The following CLEC3A variants were observed in gnomAD, a reference collection of about 807,000 sequenced individuals.
The protein encoded by CLEC3A is C-type (calcium dependent, carbohydrate-recognition domain) lectin, superfamily member 1 (cartilage-derived).
CLEC3A carries 28 observed loss-of-function variants against 20.4 expected under a neutral mutation model. That is an observed-to-expected ratio of 1.37 (90% CI 1.02 to 1.88). CLEC3A has a LOEUF of 1.88. Among genes scored for constraint, CLEC3A ranks in the 40% most tolerant of loss-of-function variants. CLEC3A has a pLI of 0.00. For synonymous variants in CLEC3A, 110 were observed against 88.1 expected, an observed-to-expected ratio of 1.25 and a Z score of -1.39; for missense variants, 357 against 240.4, an observed-to-expected ratio of 1.48 and a Z score of -3.21.
chr16:78,029,712 A>T (rs1286027676), intron 2 of CLEC3A, among the ~76,000 whole-genome samples: 1 of 151,962 alleles, frequency 6.6e-6, no homozygotes, highest in Non-Finnish European at 1.5e-5. Flanking sequence ...ATTAAATACC[A>T]TCTAGTTCCA....
At chr16:78,025,103 C>G (rs2018795633) in intron 1 of CLEC3A, among the ~76,000 whole-genome samples, 1 of 152,130 alleles carries the variant, frequency 6.6e-6, no homozygotes, top group Non-Finnish European at 1.5e-5. Flanking sequence ...GCCATCATAC[C>G]CAGCCTATTC....
chr16:78,026,956 G>A (rs1281981289), intron 1 of CLEC3A, among the ~76,000 whole-genome samples: 1 of 152,130 alleles, frequency 6.6e-6, no homozygotes, highest in African/African-American at 2.4e-5. Flanking sequence ...GGAACACTGG[G>A]GACAGGGGAC....
At chr16:78,024,587 A>G (rs997172252) in intron 1 of CLEC3A, among the ~76,000 whole-genome samples, 3 of 152,208 alleles carry the variant, frequency 2.0e-5, no homozygotes, top group African/African-American at 4.8e-5. Flanking sequence ...ACTTTTTGCC[A>G]TTAGGTCCTA....
chr16:78,026,448 G>A (rs1021053647), intron 1 of CLEC3A, among the ~76,000 whole-genome samples: 2 of 152,178 alleles, frequency 1.3e-5, no homozygotes, highest in African/African-American at 2.4e-5. Flanking sequence ...GGCAATCACT[G>A]TGCAGAAGCA....
At chr16:78,027,670 T>A (rs970691927) in intron 1 of CLEC3A, among the ~76,000 whole-genome samples, 3 of 152,184 alleles carry the variant, frequency 2.0e-5, no homozygotes, top group African/African-American at 7.2e-5. Context: ...GTTTGGTTTT[T>A]TTTCAGACAG....
intron 2 of CLEC3A, among the ~76,000 whole-genome samples, chr16:78,029,660 G>T (rs976446801): frequency 6.6e-6 from 1 of 151,738 alleles, no homozygotes; most frequent in African/African-American, 2.4e-5. Flanking sequence ...GAGCCACCAC[G>T]CCAAGCATTT....
rs1597154802 is a variant in CLEC3A, at chr16:78,031,161, G to A, written c.*320G>A. Reference sequence around the variant, plus strand: ...GTTTTCAAAAAATCACAGTAGCAATGCAACTCATCACTCTAGAAAAGCAAG... The same window carrying A: ...GTTTTCAAAAAATCACAGTAGCAATACAACTCATCACTCTAGAAAAGCAAG... On this transcript the variant is annotated 3_prime_UTR_variant, in exon 3 of 3. Coordinates refer to ENST00000299642, the MANE Select transcript of CLEC3A (RefSeq NM_005752.6). 4.5e-6 allele frequency: 1 copy of A among 222,314 alleles called. No homozygotes were observed. The highest frequency in any genetic ancestry group is 1.1e-4 in the East Asian group (1 of 8,914). The allele number at this position is 222,314 out of a possible 1,614,324, so 13.8% of individuals were successfully genotyped here. A position where few individuals can be genotyped will look rare whatever the true frequency, so the allele number is the denominator to read the frequency against.
chr16:78,023,743 C>T (rs2018777940), intron 1 of CLEC3A, among the ~76,000 whole-genome samples: 1 of 149,256 alleles, frequency 6.7e-6, no homozygotes. Context: ...AAATTTAGGT[C>T]TGGTGCAAGG....
At chr16:78,026,866 C>G (rs1426946165) in intron 1 of CLEC3A, among the ~76,000 whole-genome samples, 1 of 152,140 alleles carries the variant, frequency 6.6e-6, no homozygotes, top group Non-Finnish European at 1.5e-5. Flanking sequence ...TTGCTAATAC[C>G]TAATATAGAC....
At chr16:78,028,073 C>A (rs2029976922) in intron 1 of CLEC3A, 34 bp from the exon 2 acceptor site, 3 of 1,388,814 alleles carry the variant, frequency 2.2e-6, no homozygotes, top group Non-Finnish European at 3.1e-6. Flanking sequence ...GCTTTTCATC[C>A]ACCTACCCCA....
chr16:78,030,459 G>A lies in CLEC3A; in HGVS notation c.212G>A (p.Gly71Asp), dbSNP rs994919946. The A allele has an allele frequency of 6.2e-7, 1 of 1,605,980 alleles. No individual in the cohort carries two copies. The highest frequency in any genetic ancestry group is 8.5e-7 in the Non-Finnish European group (1 of 1,175,106). The change falls in exon 3 of 3, where the codon GGC becomes GAC. Residue 71 changes from glycine (G) to aspartate (D), a missense_variant. By Grantham distance (94) the Gly-to-Asp change is moderately conservative (BLOSUM62 -1). Coordinates refer to ENST00000299642, the MANE Select transcript of CLEC3A (RefSeq NM_005752.6). Reference protein sequence around the residue: ...IQALQTVCLRGTKVHKKCYLA... With the variant: ...IQALQTVCLRDTKVHKKCYLA... The stretch of plus-strand genomic sequence containing the variant: ...CACATCTTCACAGTCTGTCTCCGAG[G>A]CACTAAAGTTCACAAGAAATGCTAC...
At chr16:78,025,304 C>G (rs189064473) in intron 1 of CLEC3A, among the ~76,000 whole-genome samples, 43 of 152,336 alleles carry the variant, frequency 2.8e-4, no homozygotes, top group Non-Finnish European at 5.9e-4. Flanking sequence ...ATCACTTAAT[C>G]TGATCTCTCC....
chr16:78,023,601 G>A (rs1435545524), intron 1 of CLEC3A, among the ~76,000 whole-genome samples: 2 of 151,994 alleles, frequency 1.3e-5, no homozygotes, highest in East Asian at 3.9e-4. Flanking sequence ...CACTCCATTA[G>A]TAACAACACA....
At chr16:78,025,851 A>G (rs2029898522) in intron 1 of CLEC3A, among the ~76,000 whole-genome samples, 1 of 152,012 alleles carries the variant, frequency 6.6e-6, no homozygotes, top group Non-Finnish European at 1.5e-5. Context: ...TTTCATAACC[A>G]TCTCCCAGGA....
intron 2 of CLEC3A, among the ~76,000 whole-genome samples, chr16:78,030,118 A>C (rs2142595637): frequency 7.3e-6 from 1 of 137,422 alleles, no homozygotes; most frequent in East Asian, 2.2e-4. Context: ...GCGCCACTGC[A>C]CTCCAGCCTG....
intron 2 of CLEC3A, among the ~76,000 whole-genome samples, chr16:78,029,668 T>A (rs2030027911): frequency 6.7e-6 from 1 of 149,844 alleles, no homozygotes; most frequent in Non-Finnish European, 1.5e-5. Flanking sequence ...ACGCCAAGCA[T>A]TTTTTTTTTA....
chr16:78,031,081 C>A lies in CLEC3A; in HGVS notation c.*240C>A, dbSNP rs181677337. 8.3e-4 allele frequency: 353 copies of A among 424,268 alleles called. 8 individuals carry two copies. In the South Asian group the frequency reaches 0.014, roughly 17 times the overall value. 26.3% of individuals were successfully genotyped at this position (424,268 alleles called of 1,614,324 possible). ...GTGCACGCAGATAAAATGGCTTCTG[C>A]TAAACAGACTAAAATCTTTCTCTCT... On this transcript the variant is annotated 3_prime_UTR_variant, in exon 3 of 3. Coordinates refer to ENST00000299642, the MANE Select transcript of CLEC3A (RefSeq NM_005752.6).
chr16:78,023,752 G>C (rs570010429), intron 1 of CLEC3A, among the ~76,000 whole-genome samples: 1 of 150,550 alleles, frequency 6.6e-6, no homozygotes, highest in Non-Finnish European at 1.5e-5. Flanking sequence ...TCTGGTGCAA[G>C]GTTTCTTTTT....
At chr16:78,026,283 T>G (rs1013144018) in intron 1 of CLEC3A, among the ~76,000 whole-genome samples, 1 of 152,180 alleles carries the variant, frequency 6.6e-6, no homozygotes, top group Admixed American at 6.6e-5. Context: ...GACAGTGAAT[T>G]AGCACATGTG....
Sources: allele counts gnomAD v4.1 joint callset (sites outside exome capture counted in the v4.1 genomes callset), GRCh38; gene constraint gnomAD v4.1.1; transcripts MANE v1.5; gene names NCBI Gene and HGNC (gene_info 2026-07-23, HGNC 2026-07-21).